DSG2: variants seen among roughly 807,000 people sequenced by gnomAD.
DSG2 encodes desmoglein-2.
DSG2 carries 45 observed loss-of-function variants against 75.6 expected under a neutral mutation model. The observed-to-expected ratio is 0.60, with a 90% CI of 0.47 to 0.76. The LOEUF is 0.76. Ranked by LOEUF, DSG2 falls within the 30% of genes least tolerant of loss-of-function variation. The pLI is 0.00. For synonymous variants in DSG2, 429 were observed against 483.9 expected (o/e 0.89, Z 1.49); for missense variants, 1,267 against 1,357.4 (o/e 0.93, Z 1.05).
In DSG2 at chr18:31,545,014, G is replaced by T. The variant is rs16962089; in HGVS notation, c.2335-707G>T. 6.5e-3 allele frequency among the ~76,000 whole-genome samples: 988 copies of T among 152,250 alleles called. 17 individuals are homozygous for T. Among genetic ancestry groups the T allele is most frequent in the African/African-American group, 0.023 (935 of 41,548 alleles). ...CATACCATCCTTCACCCACCTTCAA[G>T]TATTAGCTTAACAGGGATGTGGGTG... On this transcript the variant is annotated intron_variant, in intron 14 of 14. Transcript: ENST00000261590.
intron 1 of DSG2, among the ~76,000 whole-genome samples, chr18:31,499,130 G>T (rs978826453): frequency 1.3e-5 from 2 of 152,174 alleles, no homozygotes; most frequent in Non-Finnish European, 2.9e-5. Flanking sequence ...GCTTATAGGG[G>T]TTTACTAAAG....
chr18:31,520,835 C>CA lies in DSG2; in HGVS notation c.253dup (p.Ile85AsnfsTer21), dbSNP rs1423941653. 2 of 1,613,672 alleles carry CA rather than the reference C, an allele frequency of 1.2e-6. No individual in the cohort carries two copies. Among genetic ancestry groups the CA allele is most frequent in the Admixed American group, 3.3e-5 (2 of 60,000 alleles). ...CTGATCTTGCAGAAGAAAGAGGACTCAAAATTACTTACAAATACACTGGAA... is the reference window on the plus strand; with the variant it reads ...CTGATCTTGCAGAAGAAAGAGGACTCAAAAATTACTTACAAATACACTGGAA... On this transcript the variant is annotated frameshift_variant, in exon 4 of 15. Transcript: ENST00000261590. LOFTEE classifies it high-confidence loss of function.
chr18:31,545,403 A>G (rs2073297689), intron 14 of DSG2, among the ~76,000 whole-genome samples: 1 of 152,200 alleles, frequency 6.6e-6, no homozygotes, highest in Admixed American at 6.5e-5. Flanking sequence ...AGTTTAGCCA[A>G]CTATCACACT....
At chr18:31,532,146 A>T (rs745498608) in intron 9 of DSG2, among the ~76,000 whole-genome samples, 1 of 152,204 alleles carries the variant, frequency 6.6e-6, no homozygotes, top group Non-Finnish European at 1.5e-5. Flanking sequence ...AGTAATTTAT[A>T]AACAGCAGAT....
In DSG2 at chr18:31,524,699, G is replaced by T. The variant is rs376424003; in HGVS notation, c.829-4G>T. Reference sequence around the variant, plus strand: ...AATAAAAATCATGTGTTCATGTTTTGCAGCTTGAAGGGATGGTTGAAGAAA... The same window carrying T: ...AATAAAAATCATGTGTTCATGTTTTTCAGCTTGAAGGGATGGTTGAAGAAA... On this transcript the variant is annotated splice_polypyrimidine_tract_variant and splice_region_variant and intron_variant, in intron 7 of 14. Transcript: ENST00000261590. 1.2e-6 allele frequency: 2 copies of T among 1,613,832 alleles called. No individual in the cohort carries two copies. The highest frequency in any genetic ancestry group is 2.7e-5 in the African/African-American group (2 of 74,858).
At chr18:31,539,891 T>C (rs2073255709) in intron 12 of DSG2, among the ~76,000 whole-genome samples, 2 of 152,146 alleles carry the variant, frequency 1.3e-5, no homozygotes, top group Admixed American at 1.3e-4. Flanking sequence ...GTTAGACCAG[T>C]GCTGGCATTC....
rs887661194 is a variant in DSG2 at position 31,498,439 on chromosome 18, G to A, written c.45+143G>A. 7 of 941,398 alleles carry A rather than the reference G, an allele frequency of 7.4e-6. No individual in the cohort carries two copies. The Admixed American group carries it at 3.1e-4, about 41-fold the overall frequency. The allele number at this position is 941,398 out of a possible 1,614,324, so 58.3% of individuals were successfully genotyped here. On this transcript the variant is annotated intron_variant, in intron 1 of 14. Coordinates refer to ENST00000261590, the MANE Select transcript of DSG2 (RefSeq NM_001943.5). ...CTTCCTGCTGCCCGAGGGGGGAAAA[G>A]GGCCGGGCAGGCTGCGGCGAGATCC...
At chr18:31,536,789 T>A (rs1360024423) in intron 11 of DSG2, among the ~76,000 whole-genome samples, 2 of 152,248 alleles carry the variant, frequency 1.3e-5, no homozygotes, top group Non-Finnish European at 2.9e-5. Flanking sequence ...GAGCACTTGC[T>A]ATGTGCTAGG....
chr18:31,503,812 G>A (rs1453713308), intron 1 of DSG2, among the ~76,000 whole-genome samples: 1 of 152,076 alleles, frequency 6.6e-6, no homozygotes, highest in South Asian at 2.1e-4. Flanking sequence ...GAGCCAAAGG[G>A]GTGGGAAGGC....
chr18:31,543,527 G>A (rs954494983), intron 14 of DSG2: 3 of 152,240 alleles, frequency 2.0e-5, no homozygotes, highest in Non-Finnish European at 4.4e-5. Flanking sequence ...CAATAAGGAA[G>A]CTCATGCTAG....
At position 31,531,197 on chromosome 18, in the gene DSG2, A is replaced by C; in HGVS notation, c.1225A>C (p.Ile409Leu). ...CATGGATAGATCAAGCAAAGGCCAA[A>C]TAATTGGAAATTTTCAAGCTTTTGA... ...ESMDRSSKGQ[I>L]IGNFQAFDED... is the part of the protein sequence containing the mutation. The change falls in exon 9 of 15, where the codon ATA becomes CTA. Residue 409 changes from isoleucine to leucine, a missense_variant. Coordinates refer to ENST00000261590, the MANE Select transcript of DSG2 (RefSeq NM_001943.5). 1 of 1,614,218 alleles carries C rather than the reference A, an allele frequency of 6.2e-7. No individual in the cohort carries two copies. The highest frequency in any genetic ancestry group is 2.2e-5 in the East Asian group (1 of 44,872).
intron 1 of DSG2, among the ~76,000 whole-genome samples, chr18:31,504,410 G>C (rs1007420925): frequency 6.6e-6 from 1 of 152,196 alleles, no homozygotes; most frequent in African/African-American, 2.4e-5. Flanking sequence ...TCCTAGCTCA[G>C]TCATCATCTT....
intron 13 of DSG2, among the ~76,000 whole-genome samples, chr18:31,541,571 G>A (rs1312846490): frequency 6.6e-6 from 1 of 152,182 alleles, no homozygotes; most frequent in Non-Finnish European, 1.5e-5. Context: ...GAGCAAGAGT[G>A]TGTAGGAATC....
intron 9 of DSG2, among the ~76,000 whole-genome samples, chr18:31,533,553 C>G (rs996441209): frequency 6.6e-5 from 10 of 152,182 alleles, no homozygotes; most frequent in African/African-American, 2.4e-4. Context: ...TGATGTCTAG[C>G]TTTTACAACA....
chr18:31,524,652 A>T (rs1348336236), intron 7 of DSG2, 51 bp from the exon 8 acceptor site: 7 of 1,602,436 alleles, frequency 4.4e-6, no homozygotes, highest in Non-Finnish European at 6.0e-6. Context: ...AAAATATATC[A>T]CTTATATTTG....
chr18:31,527,889 A>G (rs1046678028), intron 8 of DSG2, among the ~76,000 whole-genome samples: 23 of 152,198 alleles, frequency 1.5e-4, no homozygotes, highest in African/African-American at 4.6e-4. Flanking sequence ...TTCTTGTTGT[A>G]TCATCACATA....
chr18:31,543,036 G>GTGTT (rs1004091542), intron 14 of DSG2, 184 bp downstream of exon 14: 4 of 543,406 alleles, frequency 7.4e-6, no homozygotes, highest in Middle Eastern at 4.8e-4. Flanking sequence ...GAATCAGTCG[G>GTGTT]TGTTAGCTAA....
chr18:31,509,928 T>C lies in DSG2; in HGVS notation c.46-8311T>C, dbSNP rs543345933. Among the ~76,000 whole-genome samples the C allele has an allele frequency of 9.2e-5, 14 of 152,356 alleles. No homozygotes were observed. In the East Asian group the frequency reaches 2.1e-3, roughly 23 times the overall value. ...CCTTTATTTTATCTCATTTTATTTCTTTCAGATTATTTCAGCCAAAGTTGA... is the reference window on the plus strand; with the variant it reads ...CCTTTATTTTATCTCATTTTATTTCCTTCAGATTATTTCAGCCAAAGTTGA... On this transcript the variant is annotated intron_variant, in intron 1 of 14. Transcript: ENST00000261590.
rs766338246 is a variant in DSG2, at chr18:31,498,331, C to T, written c.45+35C>T. On this transcript the variant is annotated intron_variant, in intron 1 of 14. Coordinates refer to ENST00000261590, the MANE Select transcript of DSG2 (RefSeq NM_001943.5). ...GCAAGCGGGACAGGGGAGCCACCGC[C>T]GGGGAGGGCGTCGGTAGGCGAGGTC... 1.2e-5 allele frequency: 15 copies of T among 1,252,836 alleles called. No individual in the cohort carries two copies. The East Asian group carries it at 4.1e-4, about 34-fold the overall frequency. The allele number at this position is 1,252,836 out of a possible 1,614,324, so 77.6% of individuals were successfully genotyped here. A position where few individuals can be genotyped will look rare whatever the true frequency, so the allele number is the denominator to read the frequency against.
Sources: gnomAD v4.1 joint callset for allele counts (sites outside exome capture counted in the v4.1 genomes callset) on GRCh38, gnomAD v4.1.1 for gene constraint, MANE v1.5 for transcripts, NCBI Gene and HGNC (gene_info 2026-07-23, HGNC 2026-07-21) for gene names.